The following CR1 variants were observed in gnomAD, a reference collection of about 807,000 sequenced individuals.
CR1 encodes complement receptor type 1.
In CR1, 116 loss-of-function variants were observed where a neutral mutation model predicts 187.3. The observed-to-expected ratio is 0.62, with a 90% confidence interval of 0.53 to 0.72. The LOEUF is 0.72. Among genes scored for constraint, CR1 ranks in the 30% least tolerant of loss-of-function variants. The pLI, the probability that CR1 is intolerant of heterozygous loss-of-function variation, is 0.00. For synonymous variants in CR1, 576 were observed against 747.1 expected, an observed-to-expected ratio of 0.77 and a Z score of 3.73; for missense variants, 1,731 against 2,110.7, an observed-to-expected ratio of 0.82 and a Z score of 3.52.
chr1:207,589,446 C>T (rs765075355), intron 35 of CR1, among the ~76,000 whole-genome samples: 5 of 152,148 alleles, frequency 3.3e-5, no homozygotes, highest in Non-Finnish European at 7.3e-5. Flanking sequence ...CATGAAAACC[C>T]CATCCAAAGG....
rs1662989629 is a variant in CR1, at chr1:207,641,661, T to G, written c.*2252T>G. 1.3e-5 allele frequency: 2 copies of G among 152,226 alleles called. No individual in the cohort carries two copies. Among genetic ancestry groups the G allele is most frequent in the Non-Finnish European group, 1.5e-5 (1 of 68,036 alleles). 9.4% of individuals were successfully genotyped at this position (152,226 alleles called of 1,614,324 possible). A position where few individuals can be genotyped will look rare whatever the true frequency, so the allele number is the denominator to read the frequency against. On this transcript the variant is annotated 3_prime_UTR_variant, in exon 47 of 47. Transcript: ENST00000367049. ...ACATTCTTTGTTTTGTTTGCTTTTT[T>G]GGCACACTTAAGTGTGTACTATGAA...
In CR1 at chr1:207,616,592, C is replaced by A. The variant is rs544812366; in HGVS notation, c.6679C>A (p.Pro2227Thr). The change falls in exon 41 of 47, where the codon CCT becomes ACT. Residue 2227 changes from proline (P) to threonine (T), a missense_variant. Pro to Thr is a conservative substitution (Grantham distance 38, BLOSUM62 -1). Around this residue, in one of 5 missense-constraint regions of CR1, gnomAD observed 1,312 missense variants for 1,379.6 expected, o/e 0.95. Transcript: ENST00000367049. ...PVCEQIFCPN[P>T]PAILNGRHTG... ...CTTTCTAGAAATCTTTTGTCCAAAT[C>A]CTCCAGCTATCCTTAATGGGAGACA... The A allele has an allele frequency of 6.2e-7, 1 of 1,613,658 alleles. No individual in the cohort carries two copies. Among genetic ancestry groups the A allele is most frequent in the Admixed American group, 1.7e-5 (1 of 59,998 alleles).
At position 207,616,950 on chromosome 1, in the gene CR1, C is replaced by T. The variant is rs3930521; in HGVS notation, c.6889+148C>T. ...AACTACCTCCCAAGTGAATGACAAA[C>T]GGGTTATAGATAGGCACGCTGTCTC... is the stretch of plus-strand genomic sequence containing the variant. On this transcript the variant is annotated intron_variant, in intron 41 of 46. Coordinates refer to ENST00000367049, the MANE Select transcript of CR1 (RefSeq NM_000651.6). The T allele has an allele frequency of 0.015, 18,490 of 1,201,304 alleles. 2,025 individuals are homozygous for T. The African/African-American group carries it at 0.24, about 16-fold the overall frequency. The allele number at this position is 1,201,304 out of a possible 1,614,324, so 74.4% of individuals were successfully genotyped here.
intron 28 of CR1, among the ~76,000 whole-genome samples, chr1:207,576,156 G>C (rs987058618): frequency 1.3e-5 from 2 of 152,182 alleles, no homozygotes; most frequent in South Asian, 2.1e-4. Flanking sequence ...ACATTTTGGG[G>C]AGCAAAGACG....
At chr1:207,626,328 G>A (rs545199903) in intron 45 of CR1, among the ~76,000 whole-genome samples, 2 of 152,214 alleles carry the variant, frequency 1.3e-5, no homozygotes, top group African/African-American at 4.8e-5. Context: ...GAAGGCAGAG[G>A]TCCCTTCTTT....
intron 35 of CR1, among the ~76,000 whole-genome samples, chr1:207,604,925 A>G (rs548025551): frequency 7.2e-5 from 11 of 152,274 alleles, no homozygotes; most frequent in African/African-American, 2.6e-4. Context: ...TAAGTTTCAG[A>G]GATCTATTCC....
chr1:207,588,054 G>A (rs1019163502), intron 34 of CR1, among the ~76,000 whole-genome samples: 8 of 152,230 alleles, frequency 5.3e-5, no homozygotes, highest in African/African-American at 7.2e-5. Context: ...ACTAAAAATA[G>A]GGGAGACATC....
At chr1:207,620,839 G>A (rs1408169541) in intron 43 of CR1, among the ~76,000 whole-genome samples, 3 of 152,234 alleles carry the variant, frequency 2.0e-5, no homozygotes, top group Admixed American at 2.0e-4. Context: ...CTGAAGATCT[G>A]GCTGGGACTG....
intron 37 of CR1, 58 bp from the exon 38 acceptor site, chr1:207,611,619 T>C (rs558807534): frequency 6.3e-7 from 1 of 1,599,460 alleles, no homozygotes; most frequent in South Asian, 1.1e-5. Flanking sequence ...AAGCATAAGA[T>C]ATAACAAAGG....
At chr1:207,507,304 C>G (rs904073188) in intron 3 of CR1, 1 of 152,676 alleles carries the variant, frequency 6.5e-6, no homozygotes, top group African/African-American at 2.4e-5. Flanking sequence ...GTTGGCAGAG[C>G]CATGCTCCCC....
In CR1 at chr1:207,588,758, T is replaced by C. The variant is rs1661185465; in HGVS notation, c.5794T>C (p.Tyr1932His). The change falls in exon 35 of 47, where the codon TAT becomes CAT. Residue 1932 changes from tyrosine to histidine, a missense_variant. Around this residue, in one of 5 missense-constraint regions of CR1, gnomAD observed 1,312 missense variants for 1,379.6 expected, o/e 0.95. Coordinates refer to ENST00000367049, the MANE Select transcript of CR1 (RefSeq NM_000651.6). ...TACACAGTTTGGATCAACAGTTAAT[T>C]ATTCTTGTAATGAAGGGTGAGTTGA... ...TDTQFGSTVN[Y>H]SCNEGFRLIG... 6.2e-7 allele frequency: 1 copy of C among 1,608,720 alleles called. No homozygotes were observed. Among genetic ancestry groups the C allele is most frequent in the Non-Finnish European group, 8.5e-7 (1 of 1,176,486 alleles).
At chr1:207,583,510 G>A (rs1020635751) in intron 32 of CR1, among the ~76,000 whole-genome samples, 3 of 152,114 alleles carry the variant, frequency 2.0e-5, no homozygotes, top group African/African-American at 7.2e-5. Flanking sequence ...TTTTAAGAGG[G>A]CAGAAAATAG....
chr1:207,630,524 G>T lies in CR1; in HGVS notation c.7360G>T (p.Ala2454Ser). 1 of 1,598,154 alleles carries T rather than the reference G, an allele frequency of 6.3e-7. No homozygotes were observed. The highest frequency in any genetic ancestry group is 8.5e-7 in the Non-Finnish European group (1 of 1,172,874). ...IILKHRKGNN[A>S]HENPKEVAIH... Reference sequence around the variant, plus strand: ...TTTTTCTCTGCCAATTAGCAATAATGCACATGAAAACCCTAAAGAAGTGGC... The same window carrying T: ...TTTTTCTCTGCCAATTAGCAATAATTCACATGAAAACCCTAAAGAAGTGGC... The change falls in exon 46 of 47, where the codon GCA (alanine) becomes TCA (serine). Residue 2454 changes from alanine to serine, a missense_variant. Coordinates refer to ENST00000367049, the MANE Select transcript of CR1 (RefSeq NM_000651.6).
At chr1:207,496,861 G>C (rs1160850340) in intron 1 of CR1, among the ~76,000 whole-genome samples, 1 of 152,190 alleles carries the variant, frequency 6.6e-6, no homozygotes, top group Non-Finnish European at 1.5e-5. Flanking sequence ...TCTCTGCATC[G>C]TGGAGTTGCT....
chr1:207,520,968 GTTTTTTTT>G (rs141546660), intron 4 of CR1, among the ~76,000 whole-genome samples: 6 of 44,570 alleles, frequency 1.3e-4, no homozygotes, highest in African/African-American at 3.0e-4. Flanking sequence ...TTTTTTGGTT[GTTTTTTTT>G]TTTTTTTTTT....
At chr1:207,584,609 A>G in intron 32 of CR1, 40 bp from the exon 33 acceptor site, 4 of 1,601,152 alleles carry the variant, frequency 2.5e-6, no homozygotes, top group Non-Finnish European at 2.6e-6. Flanking sequence ...TTATACTTTA[A>G]AATTTTTTAT....
rs745630409 is a variant in CR1, at chr1:207,623,007, A to G, written c.7291A>G (p.Thr2431Ala). 1.9e-6 allele frequency: 3 copies of G among 1,575,490 alleles called. No homozygotes were observed. The East Asian group carries it at 6.8e-5, about 36-fold the overall frequency. The part of the protein sequence containing the change: ...DALIVGTLSG[T>A]IFFILLIIFL... ...TTACTGCCTAGGCACTTTATCTGGT[A>G]CGATCTTCTTTATTTTACTCATCAT... The change falls in exon 45 of 47, where the codon ACG becomes GCG. Residue 2431 changes from threonine to alanine, a missense_variant. Thr to Ala is a moderately conservative substitution (Grantham distance 58, BLOSUM62 0). Coordinates refer to ENST00000367049, the MANE Select transcript of CR1 (RefSeq NM_000651.6).
rs186798176 is a variant in CR1, at chr1:207,615,518, A to G, written c.6661+1029A>G. On this transcript the variant is annotated intron_variant, in intron 40 of 46. Coordinates refer to ENST00000367049, the MANE Select transcript of CR1 (RefSeq NM_000651.6). ...AATAAAATATGCCAAAATTCAGAAA[A>G]AATTCAGAAACTCTTAGATAAAAGT... Among the ~76,000 whole-genome samples, 31 of 152,350 alleles carry G rather than the reference A, an allele frequency of 2.0e-4. 2 individuals are homozygous for G. Among genetic ancestry groups the G allele is most frequent in the Non-Finnish European group, 1.5e-5 (1 of 68,034 alleles).
intron 42 of CR1, 51 bp from the exon 43 acceptor site, chr1:207,619,829 C>G (rs144309931): frequency 6.7e-7 from 1 of 1,491,820 alleles, no homozygotes; most frequent in South Asian, 1.3e-5. Context: ...GCAGTTAAAA[C>G]GGACAATCAA....
Sources: gnomAD v4.1 joint callset for allele counts (sites outside exome capture counted in the v4.1 genomes callset) on GRCh38, gnomAD v4.1.1 for gene constraint, gnomAD v4.1.1 regional missense constraint, MANE v1.5 for transcripts, NCBI Gene and HGNC (gene_info 2026-07-23, HGNC 2026-07-21) for gene names.